Variants in PRKCZ observed in about 807,000 individuals in gnomAD.
The protein encoded by PRKCZ is protein kinase C zeta type.
Under a neutral mutation model 79.5 loss-of-function variants are expected in PRKCZ, and 33 were observed. The observed-to-expected ratio is 0.41, with a 90% CI of 0.31 to 0.55. PRKCZ has a LOEUF of 0.55. Ranked by LOEUF, PRKCZ falls within the 20% of genes least tolerant of loss-of-function variation. The pLI, the probability that PRKCZ is intolerant of heterozygous loss-of-function variation, is 0.19. For synonymous variants in PRKCZ, 342 were observed against 320.9 expected (o/e 1.07, Z -0.70); for missense variants, 578 against 813.5 (o/e 0.71, Z 3.52).
intron 4 of PRKCZ, chr1:2,133,933 A>G (rs1344098302): frequency 6.6e-6 from 1 of 152,210 alleles, no homozygotes; most frequent in Non-Finnish European, 1.5e-5. Context: ...GCTGAGGGGC[A>G]CAGGGGCCGA....
intron 3 of PRKCZ, among the ~76,000 whole-genome samples, 164 bp from the exon 4 acceptor site, chr1:2,059,377 G>A (rs150310879): frequency 3.1e-3 from 477 of 152,340 alleles, no homozygotes; most frequent in Non-Finnish European, 5.4e-3. Context: ...CTACGTAGAC[G>A]CACGGGGTTT....
chr1:2,100,667 C>T (rs760291316), intron 4 of PRKCZ, among the ~76,000 whole-genome samples: 6 of 152,104 alleles, frequency 3.9e-5, no homozygotes, highest in African/African-American at 9.7e-5. Flanking sequence ...GGAACAGGCA[C>T]GGCTGGTGGT....
intron 6 of PRKCZ, 61 bp from the exon 7 acceptor site, chr1:2,145,966 C>T: frequency 7.1e-7 from 1 of 1,416,606 alleles, no homozygotes; most frequent in Non-Finnish European, 1.0e-6. Context: ...TTTACAGAAG[C>T]TACATTGTAA....
rs959317876 is a variant in PRKCZ, at chr1:2,125,543, G to A, written c.335-9719G>A. Among the ~76,000 whole-genome samples, 1 of 152,202 alleles carries A rather than the reference G, an allele frequency of 6.6e-6. No homozygotes were observed. The highest frequency in any genetic ancestry group is 1.5e-5 in the Non-Finnish European group (1 of 68,036). ...CCTTGTCCCACCCCTGCTCCCCTGA[G>A]GAGGGAGGCGTGGGGCCCTGGGCTG... On this transcript the variant is annotated intron_variant, in intron 4 of 17. Transcript: ENST00000378567. This position sits in a 1 kb window ranked among gnomAD's most constrained non-coding sequence, Gnocchi z 4.2.
chr1:2,112,335 C>G (rs535111852), intron 4 of PRKCZ, among the ~76,000 whole-genome samples: 4 of 152,336 alleles, frequency 2.6e-5, no homozygotes, highest in African/African-American at 7.2e-5. Context: ...CACAGTGCAC[C>G]TTCTGTCCGA....
At position 2,050,546 on chromosome 1, in the gene PRKCZ, G is replaced by T. The variant is rs1276380129; in HGVS notation, c.-85G>T. 4.5e-6 allele frequency: 4 copies of T among 885,624 alleles called. No individual in the cohort carries two copies. The highest frequency in any genetic ancestry group is 5.9e-6 in the Non-Finnish European group (4 of 680,712). The allele number at this position is 885,624 out of a possible 1,614,324, so 54.9% of individuals were successfully genotyped here. A position where few individuals can be genotyped will look rare whatever the true frequency, so the allele number is the denominator to read the frequency against. On this transcript the variant is annotated 5_prime_UTR_variant, in exon 1 of 18. Coordinates refer to ENST00000378567, the MANE Select transcript of PRKCZ (RefSeq NM_002744.6). The stretch of plus-strand genomic sequence containing the variant: ...TCCTGAGCGCTGCCTTCCGCGTTCC[G>T]CCGCGGCCCCACCTGGAGCCCCCGC...
chr1:2,054,843 C>A (rs1472012344), intron 1 of PRKCZ, among the ~76,000 whole-genome samples: 3 of 152,112 alleles, frequency 2.0e-5, no homozygotes, highest in African/African-American at 7.2e-5. Context: ...TGCCGGACCT[C>A]CCACAAGAGG....
chr1:2,062,837 T>G (rs1019982698), intron 4 of PRKCZ, among the ~76,000 whole-genome samples: 3 of 152,086 alleles, frequency 2.0e-5, no homozygotes, highest in Non-Finnish European at 1.5e-5. Context: ...TATTCGATAT[T>G]CGCATTGCTG....
chr1:2,136,466 C>G lies in PRKCZ; in HGVS notation c.420+1119C>G, dbSNP rs147057681. Among the ~76,000 whole-genome samples the G allele has an allele frequency of 1.8e-4, 27 of 152,268 alleles. 1 individual carries two copies. In the East Asian group the frequency reaches 5.2e-3, roughly 29 times the overall value. ...GAGGACTTCCTGGAGGAGGAGGCAT[C>G]TGATCATACTGCCTGGGAGGTCAGT... On this transcript the variant is annotated intron_variant, in intron 5 of 17. Transcript: ENST00000378567.
At chr1:2,078,114 C>T (rs1341855824) in intron 4 of PRKCZ, among the ~76,000 whole-genome samples, 1 of 152,242 alleles carries the variant, frequency 6.6e-6, no homozygotes, top group Non-Finnish European at 1.5e-5. Flanking sequence ...ACCTGGCCCC[C>T]CACACAACAT....
Position 2,082,063 on chromosome 1 carries a change from G to A in PRKCZ, c.334+22472G>A, listed in dbSNP as rs886467601. ...GATCCGGGCTGCCGTGGTTCCGATC[G>A]ACTCCGAATAGGACACCACACAGTC... On this transcript the variant is annotated intron_variant, in intron 4 of 17. Coordinates refer to ENST00000378567, the MANE Select transcript of PRKCZ (RefSeq NM_002744.6). This position sits in a 1 kb window ranked among gnomAD's most constrained non-coding sequence, Gnocchi z 4.4. Among the ~76,000 whole-genome samples, 7 of 152,196 alleles carry A rather than the reference G, an allele frequency of 4.6e-5. No individual in the cohort carries two copies. Among genetic ancestry groups the A allele is most frequent in the African/African-American group, 1.2e-4 (5 of 41,432 alleles).
At chr1:2,167,849 C>A (rs2100208859) in intron 10 of PRKCZ, among the ~76,000 whole-genome samples, 1 of 151,662 alleles carries the variant, frequency 6.6e-6, no homozygotes, top group South Asian at 2.1e-4. Flanking sequence ...AGGTGATCTG[C>A]TTGCCTTGGC....
At chr1:2,145,497 T>C (rs1482524973) in intron 6 of PRKCZ, 1 of 153,248 alleles carries the variant, frequency 6.5e-6, no homozygotes, top group Non-Finnish European at 1.5e-5. Flanking sequence ...GCCACCTCCG[T>C]CTGCAGAATC....
chr1:2,122,600 TGGC>T (rs1302345878), intron 4 of PRKCZ, among the ~76,000 whole-genome samples: 1 of 8,540 alleles, frequency 1.2e-4, no homozygotes, highest in African/African-American at 6.2e-4. Context: ...GTTAGGGTCG[TGGC>T]GGTGGTTAGG....
rs922258840 is a variant in PRKCZ at position 2,173,268 on chromosome 1, A to G, written c.1286-629A>G. Reference sequence around the variant, plus strand: ...GGCCACAATGGAAGTCTCAGTAGCCAGAGAAGGACAGACAGCAGATTGGAG... The same window carrying G: ...GGCCACAATGGAAGTCTCAGTAGCCGGAGAAGGACAGACAGCAGATTGGAG... On this transcript the variant is annotated intron_variant, in intron 13 of 17. Coordinates refer to ENST00000378567, the MANE Select transcript of PRKCZ (RefSeq NM_002744.6). The surrounding 1 kb of genome is among the most constrained non-coding windows in gnomAD (Gnocchi z 5.7). 6.6e-6 allele frequency among the ~76,000 whole-genome samples: 1 copy of G among 152,206 alleles called. No individual in the cohort carries two copies. The highest frequency in any genetic ancestry group is 1.5e-5 in the Non-Finnish European group (1 of 68,032).
rs376916098 is a variant in PRKCZ, at chr1:2,169,613, G to C, written c.1061+9G>C. The C allele has an allele frequency of 2.0e-6, 3 of 1,491,234 alleles. No homozygotes were observed. The South Asian group carries it at 3.9e-5, about 19-fold the overall frequency. 92.4% of individuals were successfully genotyped at this position (1,491,234 alleles called of 1,614,324 possible). On this transcript the variant is annotated intron_variant, in intron 11 of 17. Transcript: ENST00000378567. ...CCTGAGGAGCACGCCAGGTGGGTGC[G>C]CGTGGACGGGGCCGGGTGGGTGCGC...
intron 4 of PRKCZ, among the ~76,000 whole-genome samples, chr1:2,121,295 C>T (rs1671834126): frequency 6.6e-6 from 1 of 152,226 alleles, no homozygotes; most frequent in South Asian, 2.1e-4. Context: ...AAGTTCCTCC[C>T]TGGCTGTGGG....
chr1:2,179,799 G>A (rs913238795), intron 16 of PRKCZ, among the ~76,000 whole-genome samples: 1 of 152,162 alleles, frequency 6.6e-6, no homozygotes, highest in African/African-American at 2.4e-5. Flanking sequence ...TCGTGTGGTG[G>A]GAGCCTCAGG....
chr1:2,171,341 CAA>C lies in PRKCZ; in HGVS notation c.1062-698_1062-697del, dbSNP rs1373305242. On this transcript the variant is annotated intron_variant, in intron 11 of 17. Transcript: ENST00000378567. ...TGGGTGACAGAGTGAAACTCTGTCTCAAAAAAAAAAAAAAAAAGGTCATATTT... is the reference window on the plus strand; with the variant it reads ...TGGGTGACAGAGTGAAACTCTGTCTCAAAAAAAAAAAAAAAGGTCATATTT... Among the ~76,000 whole-genome samples, 266 of 48,090 alleles carry C rather than the reference CAA, an allele frequency of 5.5e-3. 1 individual carries two copies. The highest frequency in any genetic ancestry group is 0.018 in the African/African-American group (245 of 13,552). The allele number at this position is 48,090 out of a possible 152,430, so 31.5% of individuals were successfully genotyped here.
Sources: allele counts gnomAD v4.1 joint callset (sites outside exome capture counted in the v4.1 genomes callset), GRCh38; gene constraint gnomAD v4.1.1; non-coding constraint Gnocchi (gnomAD v3.1); transcripts MANE v1.5; gene names NCBI Gene and HGNC (gene_info 2026-07-23, HGNC 2026-07-21).